AOX1: variants seen among roughly 807,000 people sequenced by gnomAD.
AOX1 encodes aldehyde oxidase.
In AOX1, 153 loss-of-function variants were observed where a neutral mutation model predicts 169.5. The observed-to-expected ratio is 0.90, with a 90% CI of 0.79 to 1.03. The LOEUF (loss-of-function observed/expected upper bound fraction) is 1.03. Among genes scored for constraint, AOX1 ranks in the 50% least tolerant of loss-of-function variants. The pLI is 0.00. For missense variants in AOX1, 1,656 were observed against 1,663.9 expected (o/e 1.00, Z 0.08); for synonymous variants, 562 against 581.9 (o/e 0.97, Z 0.49).
Position 200,609,077 on chromosome 2 carries a change from A to G in AOX1, c.1001A>G (p.Tyr334Cys). The G allele has an allele frequency of 6.2e-7, 1 of 1,613,986 alleles. No homozygotes were observed. Among genetic ancestry groups the G allele is most frequent in the East Asian group, 2.2e-5 (1 of 44,872 alleles). ...CTTCCAGAGGAGAAGACACAGATGT[A>G]CCATGCTCTCCTGAAGCATTTGGGA... ...QKLPEEKTQMYHALLKHLGTL... is the reference protein window; with the variant it reads ...QKLPEEKTQMCHALLKHLGTL... Residue 334 changes from tyrosine (Y) to cysteine (C), a missense_variant, in exon 11 of 35, where the codon TAC becomes TGC. Physicochemically the swap from Tyr to Cys is radical, Grantham distance 194. Transcript: ENST00000374700.
intron 11 of AOX1, 37 bp from the exon 12 acceptor site, chr2:200,609,284 G>A: frequency 6.2e-7 from 1 of 1,605,506 alleles, no homozygotes; most frequent in Non-Finnish European, 8.5e-7. Context: ...GCTTTTTTAT[G>A]ATTACATAAA....
At position 200,663,604 on chromosome 2, in the gene AOX1, T is replaced by C. The variant is rs562703430; in HGVS notation, c.3543+635T>C. ...CTCTCTCTCTCTCTCTCTCCCCCTC[T>C]TTCTGTCTCTGTTGCTTCAAAGACT... is the stretch of plus-strand genomic sequence containing the variant. On this transcript the variant is annotated intron_variant, in intron 31 of 34. Transcript: ENST00000374700. Among the ~76,000 whole-genome samples the C allele has an allele frequency of 1.6e-3, 209 of 130,476 alleles. 2 individuals are homozygous for C. The highest frequency in any genetic ancestry group is 5.2e-3 in the African/African-American group (200 of 38,166). 85.6% of individuals were successfully genotyped at this position (130,476 alleles called of 152,430 possible).
chr2:200,604,928 C>A, intron 9 of AOX1, 88 bp downstream of exon 9: 1 of 1,197,356 alleles, frequency 8.4e-7, no homozygotes, highest in Non-Finnish European at 1.2e-6. Context: ...ACTTCATATA[C>A]ATGTGTTCTC....
chr2:200,611,314 C>A, intron 12 of AOX1, 70 bp from the exon 13 acceptor site: 1 of 1,072,306 alleles, frequency 9.3e-7, no homozygotes. Context: ...GGTAGAATTA[C>A]TTCCTAAGTT....
In AOX1 at chr2:200,662,928, T is replaced by G; in HGVS notation, c.3502T>G (p.Cys1168Gly). 6.2e-7 allele frequency: 1 copy of G among 1,614,116 alleles called. No individual in the cohort carries two copies. The highest frequency in any genetic ancestry group is 8.5e-7 in the Non-Finnish European group (1 of 1,179,960). Residue 1168 changes from cysteine to glycine, a missense_variant, in exon 31 of 35, where the codon TGT (cysteine) becomes GGT (glycine). Coordinates refer to ENST00000374700, the MANE Select transcript of AOX1 (RefSeq NM_001159.4). ...CGAATACTTTGTTTATGGAGCTGCC[T>G]GTTCCGAGGTTGAAATAGACTGCCT... ...PFEYFVYGAA[C>G]SEVEIDCLTG... is the part of the protein sequence containing the mutation.
At chr2:200,669,898 G>C (rs1292570787) in intron 34 of AOX1, among the ~76,000 whole-genome samples, 156 bp downstream of exon 34, 1 of 152,124 alleles carries the variant, frequency 6.6e-6, no homozygotes, top group Non-Finnish European at 1.5e-5. Context: ...GTGCAGAGGG[G>C]TCCTTGAACT....
intron 22 of AOX1, among the ~76,000 whole-genome samples, chr2:200,637,802 C>T (rs2035266524): frequency 6.6e-6 from 1 of 152,136 alleles, no homozygotes; most frequent in South Asian, 2.1e-4. Flanking sequence ...TGGGTCAGTT[C>T]CTCCATCCCA....
intron 25 of AOX1, among the ~76,000 whole-genome samples, chr2:200,650,446 G>A (rs1186610693): frequency 2.0e-5 from 3 of 152,280 alleles, no homozygotes; most frequent in South Asian, 2.1e-4. Context: ...TAGGGTCTTA[G>A]TCACCAATTC....
chr2:200,634,710 T>G (rs2035195413), intron 20 of AOX1, 81 bp from the exon 21 acceptor site: 1 of 1,548,540 alleles, frequency 6.5e-7, no homozygotes, highest in African/African-American at 1.4e-5. Flanking sequence ...GTGGAATTTC[T>G]GCATAACGGG....
At chr2:200,607,552 A>AGT (rs946289718) in intron 10 of AOX1, among the ~76,000 whole-genome samples, 29 of 152,312 alleles carry the variant, frequency 1.9e-4, no homozygotes, top group African/African-American at 7.0e-4. Context: ...TGTGGAAGAC[A>AGT]GTGTGGTGAT....
rs748330656 is a variant in AOX1 at position 200,669,590 on chromosome 2, G to C, written c.3814G>C (p.Gly1272Arg). The change falls in exon 34 of 35, where the codon GGG (glycine) becomes CGG (arginine). Residue 1272 changes from glycine to arginine, a missense_variant. Transcript: ENST00000374700. ...TCCTTTCAAGGGTCTGGGAGAGTCG[G>C]GGGTGTTCCTGGGGTGTTCCGTGTT... Reference protein sequence around the residue: ...LYSSKGLGESGVFLGCSVFFA... With the variant: ...LYSSKGLGESRVFLGCSVFFA... 2 of 1,613,978 alleles carry C rather than the reference G, an allele frequency of 1.2e-6. No homozygotes were observed. Among genetic ancestry groups the C allele is most frequent in the Non-Finnish European group, 1.7e-6 (2 of 1,179,982 alleles).
At chr2:200,658,969 G>T (rs939341868) in intron 27 of AOX1, among the ~76,000 whole-genome samples, 196 bp from the exon 28 acceptor site, 2 of 152,214 alleles carry the variant, frequency 1.3e-5, no homozygotes, top group Admixed American at 1.3e-4. Context: ...AAGAAAGTGT[G>T]TTCAGGACTT....
chr2:200,604,974 T>C, intron 9 of AOX1, 134 bp downstream of exon 9: 1 of 773,474 alleles, frequency 1.3e-6, no homozygotes, highest in Non-Finnish European at 2.1e-6. Flanking sequence ...TTTAATCATT[T>C]GAGCTAGACT....
intron 26 of AOX1, 104 bp from the exon 27 acceptor site, chr2:200,656,738 C>T (rs530934305): frequency 1.6e-5 from 13 of 836,134 alleles, no homozygotes; most frequent in South Asian, 5.5e-5. Flanking sequence ...CTGGGGGGTG[C>T]GGGATTCTTG....
chr2:200,608,097 C>T (rs1445887751), intron 10 of AOX1, among the ~76,000 whole-genome samples: 1 of 152,000 alleles, frequency 6.6e-6, no homozygotes, highest in African/African-American at 2.4e-5. Context: ...AACAAACCTG[C>T]ACATTCTGTA....
chr2:200,599,784 A>T, intron 5 of AOX1, 38 bp downstream of exon 5: 1 of 1,330,388 alleles, frequency 7.5e-7, no homozygotes, highest in Non-Finnish European at 9.7e-7. Flanking sequence ...TTTAATTTTT[A>T]TTTATTTATT....
At chr2:200,590,563 A>AAACAAC (rs572100671) in intron 1 of AOX1, among the ~76,000 whole-genome samples, 68 of 151,930 alleles carry the variant, frequency 4.5e-4, no homozygotes, top group African/African-American at 1.1e-3. Flanking sequence ...CACTACATCA[A>AAACAAC]AACAACAACA....
intron 2 of AOX1, among the ~76,000 whole-genome samples, chr2:200,594,090 C>A (rs149246012): frequency 6.6e-6 from 1 of 152,168 alleles, no homozygotes; most frequent in African/African-American, 2.4e-5. Context: ...GGAGAAATGC[C>A]TGTGGGAAAG....
At chr2:200,682,020 A>G (rs1166915240), downstream of AOX1, among the ~76,000 whole-genome samples, 1 of 152,182 alleles carries the variant, frequency 6.6e-6, no homozygotes, top group African/African-American at 2.4e-5. Context: ...GAATTGGGAA[A>G]AAACACTACG....
Sources: gnomAD v4.1 joint callset for allele counts (sites outside exome capture counted in the v4.1 genomes callset) on GRCh38, gnomAD v4.1.1 for gene constraint, MANE v1.5 for transcripts, NCBI Gene and HGNC (gene_info 2026-07-23, HGNC 2026-07-21) for gene names.